The following MGAT5 variants were observed in gnomAD, a reference collection of about 807,000 sequenced individuals.
The protein encoded by MGAT5 is alpha-1,6-mannosylglycoprotein 6-beta-N-acetylglucosaminyltransferase A.
MGAT5 carries 30 observed loss-of-function variants against 94.3 expected under a neutral mutation model. The ratio of observed to expected loss-of-function variants is 0.32; its 90% confidence interval spans 0.24 to 0.43. The LOEUF (loss-of-function observed/expected upper bound fraction) is 0.43, where lower values mean the gene tolerates loss of function less well. Among genes scored for constraint, MGAT5 ranks in the 20% least tolerant of loss-of-function variants. The pLI, the probability that MGAT5 is intolerant of heterozygous loss-of-function variation, is 1.00. For missense variants in MGAT5, 691 were observed against 905.5 expected, an observed-to-expected ratio of 0.76 and a Z score of 3.04; for synonymous variants, 310 against 322.9, an observed-to-expected ratio of 0.96 and a Z score of 0.43.
At chr2:134,292,637 T>C (rs182973592) in intron 2 of MGAT5, among the ~76,000 whole-genome samples, 1 of 152,332 alleles carries the variant, frequency 6.6e-6, no homozygotes, top group African/African-American at 2.4e-5. Context: ...TCCCTCACCT[T>C]TGCTCTGCCA....
intron 1 of MGAT5, among the ~76,000 whole-genome samples, chr2:134,154,948 A>G (rs1687406211): frequency 6.6e-6 from 1 of 152,084 alleles, no homozygotes; most frequent in Non-Finnish European, 1.5e-5. Flanking sequence ...ATCCCTTCTA[A>G]ACAAAGAACA....
intron 1 of MGAT5, among the ~76,000 whole-genome samples, chr2:134,167,666 A>G (rs1036439569): frequency 6.6e-6 from 1 of 152,230 alleles, no homozygotes; most frequent in Admixed American, 6.5e-5. Flanking sequence ...TTTGATGACA[A>G]TACCAAATTT....
At chr2:134,358,997 T>C (rs1679919663) in intron 9 of MGAT5, among the ~76,000 whole-genome samples, 1 of 152,254 alleles carries the variant, frequency 6.6e-6, no homozygotes, top group Non-Finnish European at 1.5e-5. Flanking sequence ...TGATTTGTAA[T>C]CATTTGTAAA....
At chr2:134,427,863 G>A (rs1034058996) in intron 13 of MGAT5, among the ~76,000 whole-genome samples, 8 of 152,252 alleles carry the variant, frequency 5.3e-5, no homozygotes, top group Non-Finnish European at 8.8e-5. Context: ...ACAGGTCACT[G>A]TCACGGATCC....
At chr2:134,251,912 C>T (rs1225906388), upstream of MGAT5, among the ~76,000 whole-genome samples, 1 of 152,196 alleles carries the variant, frequency 6.6e-6, no homozygotes, top group African/African-American at 2.4e-5. Context: ...CTCCTCCCCA[C>T]CCCTGGTAAC....
chr2:134,170,855 C>CTTTTT (rs112717170), intron 1 of MGAT5, among the ~76,000 whole-genome samples: 12 of 145,846 alleles, frequency 8.2e-5, no homozygotes, highest in Non-Finnish European at 1.2e-4. Context: ...GATCTCTACT[C>CTTTTT]TTTTTTTTTT....
At chr2:134,203,737 A>G (rs2105293311) in intron 1 of MGAT5, among the ~76,000 whole-genome samples, 1 of 152,258 alleles carries the variant, frequency 6.6e-6, no homozygotes, top group Middle Eastern at 3.4e-3. Context: ...ATAAAAAATT[A>G]TATTTTCATG....
At chr2:134,259,369 G>T (rs1458887022) in intron 1 of MGAT5, among the ~76,000 whole-genome samples, 1 of 152,192 alleles carries the variant, frequency 6.6e-6, no homozygotes, top group Non-Finnish European at 1.5e-5. Context: ...TCTGTCTCCA[G>T]CAGCCTGACC....
intron 2 of MGAT5, among the ~76,000 whole-genome samples, chr2:134,311,347 A>G (rs551979931): frequency 7.9e-5 from 12 of 152,324 alleles, no homozygotes; most frequent in Non-Finnish European, 1.6e-4. Flanking sequence ...AACTAGATAA[A>G]AAGTTAATGG....
Position 134,338,354 on chromosome 2 carries a change from C to A in MGAT5, c.741C>A (p.Asp247Glu). The A allele has an allele frequency of 6.2e-7, 1 of 1,612,896 alleles. No homozygotes were observed. The highest frequency in any genetic ancestry group is 2.2e-5 in the East Asian group (1 of 44,784). ...WMRLRIRRMA[D>E]AWIQAIKSLA... The stretch of plus-strand genomic sequence containing the variant: ...GACTACGGATCCGGCGAATGGCTGA[C>A]GCATGGATCCAAGCAATCAAGTCCC... The change falls in exon 6 of 16, where the codon GAC (aspartate) becomes GAA (glutamate). Residue 247 changes from aspartate (D) to glutamate (E), a missense_variant. By Grantham distance (45) the Asp-to-Glu change is conservative. This residue lies in a region of MGAT5 where 307 missense variants were observed against 335.4 expected (regional missense o/e 0.92). Transcript: ENST00000281923.
chr2:134,369,771 T>G, intron 10 of MGAT5, among the ~76,000 whole-genome samples: 1 of 91,024 alleles, frequency 1.1e-5, no homozygotes, highest in South Asian at 4.6e-4. Context: ...GACAGACTTT[T>G]ATGTGTTCCC....
intron 1 of MGAT5, among the ~76,000 whole-genome samples, chr2:134,129,136 C>G (rs1303704603): frequency 1.3e-5 from 2 of 152,232 alleles, no homozygotes; most frequent in Non-Finnish European, 2.9e-5. Context: ...ATCAAGGTGT[C>G]TATTCCTTTC....
At chr2:134,394,492 A>G (rs895943093) in intron 10 of MGAT5, among the ~76,000 whole-genome samples, 4 of 152,248 alleles carry the variant, frequency 2.6e-5, no homozygotes, top group Non-Finnish European at 5.9e-5. Context: ...TGGAAAACAC[A>G]AAATGTAATG....
At chr2:134,172,919 C>T (rs868656269) in intron 1 of MGAT5, among the ~76,000 whole-genome samples, 1 of 152,152 alleles carries the variant, frequency 6.6e-6, no homozygotes, top group Non-Finnish European at 1.5e-5. Context: ...CACACTTTGT[C>T]TCTGACAACA....
At chr2:134,182,584 T>C (rs1688784758) in intron 1 of MGAT5, among the ~76,000 whole-genome samples, 1 of 152,090 alleles carries the variant, frequency 6.6e-6, no homozygotes, top group Non-Finnish European at 1.5e-5. Flanking sequence ...AACACACCTG[T>C]GTTAGGAGTA....
chr2:134,189,607 T>TTTTTTTTTTTTTTTTTTTTTTTG (rs1553490420), intron 1 of MGAT5, among the ~76,000 whole-genome samples: 2 of 80,616 alleles, frequency 2.5e-5, no homozygotes, highest in Non-Finnish European at 4.7e-5. Context: ...TTTTTGTTTT[T>TTTTTTTTTTTTTTTTTTTTTTTG]TTTTTTTTTT....
chr2:134,272,638 C>G (rs1684100027), intron 2 of MGAT5, among the ~76,000 whole-genome samples: 4 of 152,188 alleles, frequency 2.6e-5, no homozygotes, highest in Non-Finnish European at 5.9e-5. Context: ...ATACAAGTTC[C>G]TCTGCCTGAC....
At chr2:134,270,296 A>G (rs747371232) in intron 1 of MGAT5, 90 bp from the exon 2 acceptor site, 27 of 1,255,336 alleles carry the variant, frequency 2.2e-5, no homozygotes, top group Non-Finnish European at 3.0e-5. Flanking sequence ...AACATTTGAG[A>G]AGTTTTGTTC....
intron 2 of MGAT5, among the ~76,000 whole-genome samples, chr2:134,282,542 C>A (rs1432772121): frequency 1.3e-5 from 2 of 152,250 alleles, no homozygotes; most frequent in East Asian, 3.8e-4. Flanking sequence ...AGCTGTTATT[C>A]TACCACCCAG....
Sources: gnomAD v4.1 joint callset for allele counts (sites outside exome capture counted in the v4.1 genomes callset) on GRCh38, gnomAD v4.1.1 for gene constraint, gnomAD v4.1.1 regional missense constraint, MANE v1.5 for transcripts, NCBI Gene and HGNC (gene_info 2026-07-23, HGNC 2026-07-21) for gene names.